The following ATP11A variants were observed in gnomAD, a reference collection of about 807,000 sequenced individuals.
The protein encoded by ATP11A is ATPase phospholipid transporting 11A, also known as phospholipid-transporting ATPase IH.
In ATP11A, 81 loss-of-function variants were observed where a neutral mutation model predicts 154.4. That is an observed-to-expected ratio of 0.52 (90% CI 0.44 to 0.63). ATP11A has a LOEUF of 0.63. Among genes scored for constraint, ATP11A ranks in the 30% least tolerant of loss-of-function variants. The pLI, the probability that ATP11A is intolerant of heterozygous loss-of-function variation, is 0.00. For synonymous variants in ATP11A, 623 were observed against 585.9 expected (o/e 1.06, Z -0.91); for missense variants, 1,316 against 1,474.3 (o/e 0.89, Z 1.76).
intron 1 of ATP11A, among the ~76,000 whole-genome samples, chr13:112,761,873 G>C (rs773045919): frequency 2.0e-5 from 3 of 152,152 alleles, no homozygotes; most frequent in African/African-American, 4.8e-5. Context: ...CACCTGTTCG[G>C]CCAGGTTGCA....
intron 1 of ATP11A, among the ~76,000 whole-genome samples, chr13:112,742,123 A>G (rs1350192649): frequency 6.6e-6 from 1 of 152,162 alleles, no homozygotes; most frequent in African/African-American, 2.4e-5. Flanking sequence ...GTCCACAGGG[A>G]GCAGCCACCC....
At chr13:112,700,269 C>T (rs1428150066) in intron 1 of ATP11A, among the ~76,000 whole-genome samples, 1 of 152,140 alleles carries the variant, frequency 6.6e-6, no homozygotes, top group African/African-American at 2.4e-5. Flanking sequence ...AGCGTGCCCA[C>T]CCCCAATACG....
rs11839077 is a variant in ATP11A, at chr13:112,837,810, C to T, written c.1705+1559C>T. ...CCTTCGGATCAGGACCATGGTGCCT[C>T]ACTTCCTAAGACCCCGAAGGAGCTG... On this transcript the variant is annotated intron_variant, in intron 16 of 29. Transcript: ENST00000375645. Among the ~76,000 whole-genome samples the T allele has an allele frequency of 1.4e-3, 211 of 152,036 alleles. 1 individual carries two copies. Among genetic ancestry groups the T allele is most frequent in the African/African-American group, 4.5e-3 (185 of 41,480 alleles).
chr13:112,881,512 A>G (rs2080883869), intron 29 of ATP11A: 2 of 1,120,800 alleles, frequency 1.8e-6, no homozygotes, highest in South Asian at 2.1e-5. Context: ...TTTCCCGTCC[A>G]TGGCCTGTAT....
intron 1 of ATP11A, among the ~76,000 whole-genome samples, chr13:112,760,839 A>G (rs1310287329): frequency 6.6e-6 from 1 of 152,252 alleles, no homozygotes; most frequent in Non-Finnish European, 1.5e-5. Flanking sequence ...GTAACGACAC[A>G]TTCCTCATTC....
intron 5 of ATP11A, among the ~76,000 whole-genome samples, chr13:112,813,056 C>T (rs557539554): frequency 1.3e-5 from 2 of 152,238 alleles, no homozygotes; most frequent in Non-Finnish European, 2.9e-5. Context: ...TCCTGTGTGT[C>T]GTAACCAAGA....
At chr13:112,790,960 G>A (rs948481399) in intron 2 of ATP11A, among the ~76,000 whole-genome samples, 1 of 152,236 alleles carries the variant, frequency 6.6e-6, no homozygotes, top group South Asian at 2.1e-4. Flanking sequence ...GATAAGTCCT[G>A]TGGGTGGTTT....
At chr13:112,857,226 T>G (rs2079956135) in intron 20 of ATP11A, among the ~76,000 whole-genome samples, 1 of 152,166 alleles carries the variant, frequency 6.6e-6, no homozygotes. Context: ...ACTGTTACAT[T>G]TAGGCACATA....
Position 112,810,820 on chromosome 13 carries a change from C to T in ATP11A, c.441+94C>T, listed in dbSNP as rs928830372. 8 of 1,064,038 alleles carry T rather than the reference C, an allele frequency of 7.5e-6. No individual in the cohort carries two copies. The East Asian group carries it at 1.5e-4, about 20-fold the overall frequency. 65.9% of individuals were successfully genotyped at this position (1,064,038 alleles called of 1,614,324 possible). A position where few individuals can be genotyped will look rare whatever the true frequency, so the allele number is the denominator to read the frequency against. ...GTGCAGTGGCTCGCGCCTCCAGTCC[C>T]AGCTACTCAGGAGGCTGAGGCAGGA... On this transcript the variant is annotated intron_variant, in intron 5 of 29. Transcript: ENST00000375645.
intron 2 of ATP11A, among the ~76,000 whole-genome samples, chr13:112,789,324 A>T (rs2077763888): frequency 6.7e-6 from 1 of 149,730 alleles, no homozygotes; most frequent in Non-Finnish European, 1.5e-5. Context: ...ACCTCTGTGG[A>T]GACCTACTTA....
At chr13:112,752,083 G>A (rs1337692087) in intron 1 of ATP11A, among the ~76,000 whole-genome samples, 3 of 152,182 alleles carry the variant, frequency 2.0e-5, no homozygotes, top group African/African-American at 4.8e-5. Flanking sequence ...AATTGGTCTA[G>A]TATTGGTCAT....
intron 1 of ATP11A, among the ~76,000 whole-genome samples, chr13:112,776,910 G>A (rs532325469): frequency 2.6e-5 from 4 of 152,256 alleles, no homozygotes; most frequent in Admixed American, 6.5e-5. Flanking sequence ...ATGACCTGTC[G>A]GGTGAGAGGC....
Position 112,696,393 on chromosome 13 carries a change from C to CCTGCCACGCCCAGCAGCCTTT in ATP11A, c.39+5944_39+5964dup. 6.6e-6 allele frequency among the ~76,000 whole-genome samples: 1 copy of CCTGCCACGCCCAGCAGCCTTT among 152,028 alleles called. No individual in the cohort carries two copies. The highest frequency in any genetic ancestry group is 1.5e-5 in the Non-Finnish European group (1 of 67,996). ...AGCGGTGGTCACTGGTGGGAACGCC[C>CCTGCCACGCCCAGCAGCCTTT]CTGCCACGCCCAGCAGCCTTTCTGC... On this transcript the variant is annotated intron_variant, in intron 1 of 29. Coordinates refer to ENST00000375645, the MANE Select transcript of ATP11A (RefSeq NM_015205.3). This position sits in a 1 kb window ranked among gnomAD's most constrained non-coding sequence, Gnocchi z 6.2.
intron 2 of ATP11A, among the ~76,000 whole-genome samples, chr13:112,787,935 A>G (rs961009513): frequency 2.7e-5 from 4 of 149,060 alleles, no homozygotes; most frequent in African/African-American, 7.5e-5. Context: ...CTTAATTCAC[A>G]CTGGGTGTCC....
In ATP11A at chr13:112,754,568, G is replaced by GCC. The variant is rs141858971; in HGVS notation, c.40-30561_40-30560dup. 6.3e-5 allele frequency: 10 copies of GCC among 158,742 alleles called. No individual in the cohort carries two copies. Among genetic ancestry groups the GCC allele is most frequent in the African/African-American group, 1.4e-4 (6 of 41,576 alleles). 9.8% of individuals were successfully genotyped at this position (158,742 alleles called of 1,614,324 possible). A position where few individuals can be genotyped will look rare whatever the true frequency, so the allele number is the denominator to read the frequency against. ...CACTGCGGCTCCTGTGCTCCACGCTGCCCCCCCGAGAGGCAGAACTTTCTC... is the reference window on the plus strand; with the variant it reads ...CACTGCGGCTCCTGTGCTCCACGCTGCCCCCCCCCGAGAGGCAGAACTTTCTC... On this transcript the variant is annotated intron_variant, in intron 1 of 29. Transcript: ENST00000375645. This position sits in a 1 kb window ranked among gnomAD's most constrained non-coding sequence, Gnocchi z 5.3.
intron 12 of ATP11A, among the ~76,000 whole-genome samples, chr13:112,831,172 T>C (rs1479291853): frequency 6.6e-6 from 1 of 152,006 alleles, no homozygotes; most frequent in East Asian, 1.9e-4. Flanking sequence ...GACTGCAGGG[T>C]CCTGTTGGAC....
At chr13:112,803,383 TG>T (rs1225043277) in intron 2 of ATP11A, among the ~76,000 whole-genome samples, 1 of 152,240 alleles carries the variant, frequency 6.6e-6, no homozygotes, top group Non-Finnish European at 1.5e-5. Flanking sequence ...CAACTACTTC[TG>T]GCTTCCAGGA....
At chr13:112,709,552 G>C (rs1013451673) in intron 1 of ATP11A, among the ~76,000 whole-genome samples, 1 of 152,120 alleles carries the variant, frequency 6.6e-6, no homozygotes, top group Non-Finnish European at 1.5e-5. Flanking sequence ...AATAAAACTT[G>C]GTCTCCACAA....
At chr13:112,707,415 CAAAAAAAA>C (rs35020608) in intron 1 of ATP11A, among the ~76,000 whole-genome samples, 1 of 80,710 alleles carries the variant, frequency 1.2e-5, no homozygotes, top group Admixed American at 1.3e-4. Context: ...AATTCTGTCT[CAAAAAAAA>C]AAAAAAAAAA....
Sources: allele counts gnomAD v4.1 joint callset (sites outside exome capture counted in the v4.1 genomes callset), GRCh38; gene constraint gnomAD v4.1.1; non-coding constraint Gnocchi (gnomAD v3.1); transcripts MANE v1.5; gene names NCBI Gene and HGNC (gene_info 2026-07-23, HGNC 2026-07-21).